LYPD6B: variants seen among roughly 807,000 people sequenced by gnomAD.
LYPD6B encodes the protein LY6/PLAUR domain containing 6B.
In LYPD6B, 17 loss-of-function variants were observed where a neutral mutation model predicts 22.8. The observed-to-expected ratio is 0.75, with a 90% CI of 0.51 to 1.12. LYPD6B has a LOEUF of 1.12. LYPD6B is among the 50% of genes most tolerant of loss of function. The pLI is 0.00. For synonymous variants in LYPD6B, 106 were observed against 91.6 expected (o/e 1.16, Z -0.90); for missense variants, 221 against 258.3 (o/e 0.86, Z 0.99).
intron 1 of LYPD6B, among the ~76,000 whole-genome samples, chr2:149,128,291 G>A (rs887762035): frequency 1.7e-4 from 26 of 152,318 alleles, no homozygotes; most frequent in Non-Finnish European, 2.9e-4. Context: ...CCTGGAAATG[G>A]CATTTAGGGA....
chr2:149,206,706 C>T (rs1422597915), intron 4 of LYPD6B, among the ~76,000 whole-genome samples: 2 of 151,978 alleles, frequency 1.3e-5, no homozygotes, highest in Admixed American at 6.5e-5. Context: ...TTCAAAGGAG[C>T]TTTTCTTTTG....
chr2:149,086,969 G>A (rs566315860), intron 1 of LYPD6B, among the ~76,000 whole-genome samples: 1 of 151,398 alleles, frequency 6.6e-6, no homozygotes, highest in African/African-American at 2.4e-5. Flanking sequence ...GTAATTACCC[G>A]TTAAAGACCC....
chr2:149,068,162 G>A (rs1355707059), intron 1 of LYPD6B, among the ~76,000 whole-genome samples: 1 of 152,190 alleles, frequency 6.6e-6, no homozygotes, highest in African/African-American at 2.4e-5. Context: ...ACTGGCTTCT[G>A]TGTTTGAGGT....
intron 4 of LYPD6B, 70 bp from the exon 5 acceptor site, chr2:149,208,244 G>A (rs549512708): frequency 9.4e-5 from 97 of 1,031,730 alleles, no homozygotes; most frequent in Admixed American, 6.1e-4. Context: ...TGCTCATTTT[G>A]TACCATGTTT....
intron 3 of LYPD6B, 129 bp from the exon 4 acceptor site, chr2:149,205,124 G>A (rs1233486315): frequency 4.5e-6 from 4 of 891,126 alleles, no homozygotes; most frequent in East Asian, 5.2e-5. Context: ...TTACTCGCAG[G>A]TCCTGGCCCT....
intron 2 of LYPD6B, among the ~76,000 whole-genome samples, chr2:149,144,681 G>A (rs1688904637): frequency 6.6e-6 from 1 of 152,120 alleles, no homozygotes; most frequent in African/African-American, 2.4e-5. Context: ...CATGAGCCAT[G>A]GTGCCTGACC....
intron 3 of LYPD6B, among the ~76,000 whole-genome samples, chr2:149,186,605 T>G (rs1692123838): frequency 6.6e-6 from 1 of 151,662 alleles, no homozygotes; most frequent in African/African-American, 2.4e-5. Flanking sequence ...AGTTTTTTGT[T>G]TGTTTGTTTG....
intron 1 of LYPD6B, among the ~76,000 whole-genome samples, chr2:149,071,581 G>A (rs1015307788): frequency 4.6e-5 from 7 of 152,146 alleles, no homozygotes; most frequent in African/African-American, 1.7e-4. Context: ...TATAATAGAA[G>A]ATGCATACAC....
At chr2:149,076,913 G>C (rs1424891502) in intron 1 of LYPD6B, among the ~76,000 whole-genome samples, 1 of 152,202 alleles carries the variant, frequency 6.6e-6, no homozygotes, top group African/African-American at 2.4e-5. Context: ...TAGTGCCAAG[G>C]TTAAGATGTG....
chr2:149,121,176 T>C (rs984977522), intron 1 of LYPD6B, among the ~76,000 whole-genome samples: 3 of 152,198 alleles, frequency 2.0e-5, no homozygotes. Flanking sequence ...ATTGGACATA[T>C]AGGTTGTTTC....
intron 2 of LYPD6B, among the ~76,000 whole-genome samples, chr2:149,154,544 T>C (rs904219047): frequency 3.9e-5 from 6 of 152,160 alleles, no homozygotes; most frequent in African/African-American, 1.4e-4. Flanking sequence ...ATGTTCAGAT[T>C]TAAACATACA....
intron 1 of LYPD6B, chr2:149,101,389 G>C (rs1171423808): frequency 1.3e-5 from 2 of 152,280 alleles, no homozygotes; most frequent in African/African-American, 4.8e-5. Context: ...AAAGGAATTG[G>C]GGTGGGACAT....
intron 1 of LYPD6B, among the ~76,000 whole-genome samples, chr2:149,071,229 ATTCTT>A (rs1684588250): frequency 1.3e-5 from 2 of 152,168 alleles, no homozygotes; most frequent in Admixed American, 6.5e-5. Context: ...CTTGGGGAAA[ATTCTT>A]TTAGTCAATA....
At chr2:149,045,877 G>T (rs1010997475) in intron 1 of LYPD6B, among the ~76,000 whole-genome samples, 2 of 151,994 alleles carry the variant, frequency 1.3e-5, no homozygotes, top group African/African-American at 4.8e-5. Flanking sequence ...TTGATGGGTG[G>T]GATGTTCCAG....
chr2:149,060,815 A>G (rs1020039143), intron 1 of LYPD6B, among the ~76,000 whole-genome samples: 3 of 152,128 alleles, frequency 2.0e-5, no homozygotes, highest in African/African-American at 7.2e-5. Context: ...GTGAAGGATC[A>G]GGGTCAACAT....
chr2:149,110,698 C>T (rs1386053844), intron 1 of LYPD6B, among the ~76,000 whole-genome samples: 3 of 152,084 alleles, frequency 2.0e-5, no homozygotes, highest in Non-Finnish European at 2.9e-5. Flanking sequence ...AGATGTGTTT[C>T]GTTTATTCAA....
At chr2:149,105,909 A>G (rs1318672752) in intron 1 of LYPD6B, among the ~76,000 whole-genome samples, 1 of 152,098 alleles carries the variant, frequency 6.6e-6, no homozygotes, top group African/African-American at 2.4e-5. Flanking sequence ...ATTAAATAGT[A>G]TATTAACTGT....
Position 149,153,778 on chromosome 2 carries a change from G to GA in LYPD6B, c.6-6974dup, listed in dbSNP as rs200919332. On this transcript the variant is annotated intron_variant, in intron 2 of 6. Coordinates refer to ENST00000409642, the MANE Select transcript of LYPD6B (RefSeq NM_177964.5). ...AACAGAGTGAGACTCTGTCTCAAAAGAAAAAAAAAAAAGAAGAAGTCTTTA... is the reference window on the plus strand; with the variant it reads ...AACAGAGTGAGACTCTGTCTCAAAAGAAAAAAAAAAAAAGAAGAAGTCTTTA... 2.4e-3 allele frequency among the ~76,000 whole-genome samples: 326 copies of GA among 138,102 alleles called. 2 individuals are homozygous for GA. The highest frequency in any genetic ancestry group is 7.2e-3 in the African/African-American group (271 of 37,720). The allele number at this position is 138,102 out of a possible 152,430, so 90.6% of individuals were successfully genotyped here. A position where few individuals can be genotyped will look rare whatever the true frequency, so the allele number is the denominator to read the frequency against.
intron 2 of LYPD6B, among the ~76,000 whole-genome samples, chr2:149,134,386 G>A (rs1188171411): frequency 2.0e-5 from 3 of 152,048 alleles, no homozygotes; most frequent in South Asian, 2.1e-4. Flanking sequence ...ATTATATTTC[G>A]ATTACATGGA....
Sources: gnomAD v4.1 joint callset for allele counts (sites outside exome capture counted in the v4.1 genomes callset) on GRCh38, gnomAD v4.1.1 for gene constraint, MANE v1.5 for transcripts, NCBI Gene and HGNC (gene_info 2026-07-23, HGNC 2026-07-21) for gene names.